Variants in KHDRBS2 observed in about 807,000 individuals in gnomAD.
KHDRBS2 encodes KH domain-containing, RNA-binding, signal transduction-associated protein 2.
In KHDRBS2, 26 loss-of-function variants were observed where a neutral mutation model predicts 44.3. That is an observed-to-expected ratio of 0.59 (90% confidence interval 0.43 to 0.81). The LOEUF (loss-of-function observed/expected upper bound fraction) is 0.81, where lower values mean the gene tolerates loss of function less well. Among genes scored for constraint, KHDRBS2 ranks in the 40% least tolerant of loss-of-function variants. The pLI is 0.00. For synonymous variants in KHDRBS2, 194 were observed against 151.1 expected (o/e 1.28, Z -2.08); for missense variants, 476 against 433.1 (o/e 1.10, Z -0.88).
In KHDRBS2 at chr6:62,174,001, G is replaced by A. The variant is rs554410397; in HGVS notation, c.219+3184C>T. ...AGCACTCACCTTCAAAACCAGAACA[G>A]ACAGTGACACCCTCTCTCACTACTC... On this transcript the variant is annotated intron_variant, in intron 2 of 8. Coordinates refer to ENST00000281156, the MANE Select transcript of KHDRBS2 (RefSeq NM_152688.4). Among the ~76,000 whole-genome samples the A allele has an allele frequency of 4.0e-3, 610 of 151,960 alleles. 6 individuals carry two copies. Among genetic ancestry groups the A allele is most frequent in the African/African-American group, 0.012 (513 of 41,506 alleles).
Position 62,050,085 on chromosome 6 carries a change from C to T in KHDRBS2, c.220-2091G>A, listed in dbSNP as rs1788640851. On this transcript the variant is annotated intron_variant, in intron 2 of 8. Coordinates refer to ENST00000281156, the MANE Select transcript of KHDRBS2 (RefSeq NM_152688.4). ...ACTAGATAAAGAAAATGTGGCAGCA[C>T]ATATACACCATGGAATGTTATGCAG... 2.0e-5 allele frequency among the ~76,000 whole-genome samples: 3 copies of T among 152,050 alleles called. No individual in the cohort carries two copies. The South Asian group carries it at 6.2e-4, about 32-fold the overall frequency.
the KHDRBS2 span, among the ~76,000 whole-genome samples, chr6:61,604,057 C>T: frequency 3.9e-5 from 6 of 152,350 alleles, no homozygotes; most frequent in South Asian, 6.2e-4. Context: ...CAGCCAAACT[C>T]CTTTCCTTAA....
intron 2 of KHDRBS2, among the ~76,000 whole-genome samples, chr6:62,150,476 T>C (rs1420841382): frequency 6.6e-6 from 1 of 152,192 alleles, no homozygotes; most frequent in African/African-American, 2.4e-5. Context: ...GAGGAGACAG[T>C]ACCTTCCCTG....
the KHDRBS2 span, among the ~76,000 whole-genome samples, chr6:61,551,618 GA>G: frequency 2.0e-5 from 3 of 152,102 alleles, no homozygotes; most frequent in Non-Finnish European, 4.4e-5. Flanking sequence ...ATAGAATAGG[GA>G]ATCCTTTCCC....
At chr6:62,193,703 T>C (rs1043223582) in intron 1 of KHDRBS2, among the ~76,000 whole-genome samples, 3 of 152,136 alleles carry the variant, frequency 2.0e-5, no homozygotes, top group Non-Finnish European at 4.4e-5. Flanking sequence ...ATCAGCAATG[T>C]ATGAGGATTC....
chr6:62,088,033 TCAGCTC>T (rs1798741775), intron 2 of KHDRBS2, among the ~76,000 whole-genome samples: 1 of 152,230 alleles, frequency 6.6e-6, no homozygotes, highest in Non-Finnish European at 1.5e-5. Context: ...GCTGTGTTTT[TCAGCTC>T]CATCAGGTTA....
At chr6:61,702,074 A>C (rs1768772368) in intron 7 of KHDRBS2, among the ~76,000 whole-genome samples, 1 of 151,902 alleles carries the variant, frequency 6.6e-6, no homozygotes, top group Admixed American at 6.6e-5. Flanking sequence ...AAAGAAAGAT[A>C]ATCACTCACA....
the KHDRBS2 span, among the ~76,000 whole-genome samples, chr6:61,580,617 G>A: frequency 6.6e-6 from 1 of 152,098 alleles, no homozygotes; most frequent in African/African-American, 2.4e-5. Flanking sequence ...AAGTCAGCGA[G>A]ACCACGAACC....
intron 4 of KHDRBS2, among the ~76,000 whole-genome samples, chr6:61,940,194 A>C (rs1194578133): frequency 6.6e-6 from 1 of 152,096 alleles, no homozygotes; most frequent in Admixed American, 6.5e-5. Flanking sequence ...AAATATATAA[A>C]TTGCAGTTAA....
chr6:61,792,624 T>C (rs565862033), intron 6 of KHDRBS2, among the ~76,000 whole-genome samples: 1 of 151,942 alleles, frequency 6.6e-6, no homozygotes, highest in East Asian at 1.9e-4. Flanking sequence ...CCTCTCACCT[T>C]ACTTTCATTG....
chr6:62,042,819 CA>C (rs746542485), intron 3 of KHDRBS2, among the ~76,000 whole-genome samples: 1 of 152,084 alleles, frequency 6.6e-6, no homozygotes, highest in Non-Finnish European at 1.5e-5. Flanking sequence ...ATTACTGCAT[CA>C]AAGACAGAAA....
chr6:61,922,002 A>G (rs1203863167), intron 4 of KHDRBS2, among the ~76,000 whole-genome samples: 3 of 151,924 alleles, frequency 2.0e-5, no homozygotes, highest in African/African-American at 7.2e-5. Flanking sequence ...TTTTTCTTTG[A>G]CATCCATATC....
chr6:62,282,006 A>G (rs1428730033), intron 1 of KHDRBS2, among the ~76,000 whole-genome samples: 1 of 152,198 alleles, frequency 6.6e-6, no homozygotes, highest in East Asian at 1.9e-4. Flanking sequence ...GAAAAAGGTG[A>G]TTACGTTAAT....
chr6:62,138,912 G>T (rs1468134374), intron 2 of KHDRBS2, among the ~76,000 whole-genome samples: 1 of 151,800 alleles, frequency 6.6e-6, no homozygotes, highest in Non-Finnish European at 1.5e-5. Context: ...TGTAAAATTG[G>T]TTATTTTAAA....
intron 6 of KHDRBS2, among the ~76,000 whole-genome samples, chr6:61,813,608 G>A (rs557267885): frequency 1.3e-5 from 2 of 152,142 alleles, no homozygotes; most frequent in Admixed American, 1.3e-4. Flanking sequence ...AGATAGTCAT[G>A]CATGTCATTA....
intron 2 of KHDRBS2, among the ~76,000 whole-genome samples, chr6:62,097,531 T>A (rs1324416429): frequency 2.0e-5 from 3 of 152,104 alleles, no homozygotes; most frequent in Non-Finnish European, 2.9e-5. Context: ...TTTTATCTAA[T>A]ATAAGCATAG....
rs80343640 is a variant in KHDRBS2 at position 62,039,557 on chromosome 6, G to A, written c.336+8321C>T. On this transcript the variant is annotated intron_variant, in intron 3 of 8. Coordinates refer to ENST00000281156, the MANE Select transcript of KHDRBS2 (RefSeq NM_152688.4). ...TCTGGTTAAAATAAATAATGTAATG[G>A]GCACATATATTCCCAGTAATCTTGG... Among the ~76,000 whole-genome samples, 216 of 151,792 alleles carry A rather than the reference G, an allele frequency of 1.4e-3. 2 individuals carry two copies. The East Asian group carries it at 0.04, about 28-fold the overall frequency.
chr6:62,045,491 C>T (rs1787480640), intron 3 of KHDRBS2, among the ~76,000 whole-genome samples: 1 of 151,926 alleles, frequency 6.6e-6, no homozygotes, highest in Non-Finnish European at 1.5e-5. Flanking sequence ...CATTTAAATC[C>T]ATAAAAATTA....
chr6:61,982,312 G>A (rs1464531221), intron 3 of KHDRBS2, among the ~76,000 whole-genome samples: 1 of 152,052 alleles, frequency 6.6e-6, no homozygotes, highest in Non-Finnish European at 1.5e-5. Context: ...TTCCCTCTGA[G>A]ACCCACGGAA....
Sources: gnomAD v4.1 joint callset for allele counts (sites outside exome capture counted in the v4.1 genomes callset) on GRCh38, gnomAD v4.1.1 for gene constraint, MANE v1.5 for transcripts, NCBI Gene and HGNC (gene_info 2026-07-23, HGNC 2026-07-21) for gene names.